Variants in IGSF21 observed in about 807,000 individuals in gnomAD.
IGSF21 encodes the protein immunoglobulin superfamily member 21.
Under a neutral mutation model 46.8 loss-of-function variants are expected in IGSF21, and 28 were observed. The observed-to-expected ratio is 0.60, with a 90% CI of 0.44 to 0.82. IGSF21 has a LOEUF of 0.82. IGSF21 is among the 40% of genes least tolerant of loss of function. The probability of loss-of-function intolerance (pLI) is 0.00; values close to 1 mark genes in which losing one functional copy is unlikely to be tolerated. For synonymous variants in IGSF21, 284 were observed against 273.6 expected (o/e 1.04, Z -0.38); for missense variants, 624 against 665.5 (o/e 0.94, Z 0.69).
chr1:18,254,270 A>T (rs1477982468), intron 2 of IGSF21, among the ~76,000 whole-genome samples: 1 of 145,676 alleles, frequency 6.9e-6, no homozygotes, highest in Non-Finnish European at 1.5e-5. Context: ...AGAGTTTGTC[A>T]TTCCTTGAAG....
chr1:18,260,522 T>C (rs532994100), intron 2 of IGSF21, among the ~76,000 whole-genome samples: 5 of 152,376 alleles, frequency 3.3e-5, no homozygotes, highest in African/African-American at 9.6e-5. Flanking sequence ...CCCATAGTCA[T>C]AGTGCAGAGG....
chr1:18,292,326 C>A (rs1414404754), intron 3 of IGSF21, among the ~76,000 whole-genome samples: 1 of 152,252 alleles, frequency 6.6e-6, no homozygotes, highest in Non-Finnish European at 1.5e-5. Context: ...GTCACACAGG[C>A]AACAATGACA....
chr1:18,303,160 C>T (rs750103954), intron 3 of IGSF21, among the ~76,000 whole-genome samples: 7 of 152,180 alleles, frequency 4.6e-5, no homozygotes, highest in Non-Finnish European at 8.8e-5. Flanking sequence ...CAGTGCCCAG[C>T]AACGGGTCTC....
chr1:18,222,253 C>T (rs2084517635), intron 1 of IGSF21, among the ~76,000 whole-genome samples: 1 of 152,178 alleles, frequency 6.6e-6, no homozygotes, highest in Non-Finnish European at 1.5e-5. Flanking sequence ...TCCTCTGCCT[C>T]GGGGGAGGAT....
At chr1:18,233,608 ACC>A (rs1449862250) in intron 2 of IGSF21, among the ~76,000 whole-genome samples, 1 of 152,168 alleles carries the variant, frequency 6.6e-6, no homozygotes, top group East Asian at 1.9e-4. Flanking sequence ...TCATTGTGGC[ACC>A]TATTCAATGA....
chr1:18,272,935 C>G (rs1024815417), intron 2 of IGSF21, among the ~76,000 whole-genome samples: 1 of 152,004 alleles, frequency 6.6e-6, no homozygotes, highest in Non-Finnish European at 1.5e-5. Flanking sequence ...AGCCTCTGTC[C>G]ACTTTATGCT....
intron 4 of IGSF21, among the ~76,000 whole-genome samples, chr1:18,341,077 C>CCTCT (rs1299239162): frequency 6.1e-3 from 265 of 43,462 alleles, no homozygotes; most frequent in Non-Finnish European, 0.011. Flanking sequence ...TCTTCTTCTT[C>CCTCT]TCCTCCTCCT....
At chr1:18,178,974 A>G (rs1233249695) in intron 1 of IGSF21, 1 of 152,220 alleles carries the variant, frequency 6.6e-6, no homozygotes, top group Non-Finnish European at 1.5e-5. Flanking sequence ...TTTAACAGGG[A>G]AAGAATTGAG....
intron 4 of IGSF21, among the ~76,000 whole-genome samples, chr1:18,352,089 T>A (rs1357095175): frequency 6.6e-6 from 1 of 152,172 alleles, no homozygotes; most frequent in Non-Finnish European, 1.5e-5. Flanking sequence ...TTGAAGTCCT[T>A]TGATCCAATC....
At chr1:18,200,999 C>T (rs2087067836) in intron 1 of IGSF21, among the ~76,000 whole-genome samples, 1 of 152,164 alleles carries the variant, frequency 6.6e-6, no homozygotes, top group Non-Finnish European at 1.5e-5. Context: ...AGGGGCCACA[C>T]TAGGGAGATA....
intron 1 of IGSF21, among the ~76,000 whole-genome samples, chr1:18,226,109 G>T (rs1236751362): frequency 1.3e-5 from 2 of 152,244 alleles, no homozygotes; most frequent in Admixed American, 1.3e-4. Flanking sequence ...CTCAGGCTTG[G>T]CTTGCCCGGA....
chr1:18,183,808 G>C (rs572668074), intron 1 of IGSF21, among the ~76,000 whole-genome samples: 1 of 152,084 alleles, frequency 6.6e-6, no homozygotes, highest in Non-Finnish European at 1.5e-5. Context: ...CGGGTGGTGC[G>C]GGGGGAAGCT....
chr1:18,170,622 G>A (rs1233044002), intron 1 of IGSF21, among the ~76,000 whole-genome samples: 1 of 152,018 alleles, frequency 6.6e-6, no homozygotes, highest in East Asian at 1.9e-4. Flanking sequence ...GATGGAGGAA[G>A]TAAAGCACAG....
chr1:18,193,822 T>A (rs1476869722), intron 1 of IGSF21, among the ~76,000 whole-genome samples: 1 of 152,012 alleles, frequency 6.6e-6, no homozygotes, highest in African/African-American at 2.4e-5. Flanking sequence ...ATGGACAGGG[T>A]GGGTGTTTGT....
chr1:18,273,480 CTT>C (rs1261330772), intron 2 of IGSF21, among the ~76,000 whole-genome samples: 1 of 56,180 alleles, frequency 1.8e-5, no homozygotes, highest in Admixed American at 2.8e-4. Flanking sequence ...TTCTTTCTTT[CTT>C]TCTTTCTTTC....
intron 2 of IGSF21, among the ~76,000 whole-genome samples, chr1:18,268,956 A>G (rs2085016503): frequency 6.6e-6 from 1 of 152,214 alleles, no homozygotes; most frequent in Non-Finnish European, 1.5e-5. Flanking sequence ...GGTATGTTGT[A>G]TAGTAAATCC....
intron 3 of IGSF21, among the ~76,000 whole-genome samples, chr1:18,332,691 G>A (rs61760793): frequency 6.6e-6 from 1 of 151,972 alleles, no homozygotes; most frequent in Non-Finnish European, 1.5e-5. Context: ...GAGGGGGACG[G>A]CGTCTTCTCA....
At position 18,322,321 on chromosome 1, in the gene IGSF21, A is replaced by T. The variant is rs1334103643; in HGVS notation, c.306-12571A>T. ...AGATCATAGAAACAACAGGTTGAGG[A>T]AGTCCGGGAAACCCAGAGGCAGCCA... On this transcript the variant is annotated intron_variant, in intron 3 of 9. Coordinates refer to ENST00000251296, the MANE Select transcript of IGSF21 (RefSeq NM_032880.5). The surrounding 1 kb of genome is among the most constrained non-coding windows in gnomAD (Gnocchi z 4.3). Among the ~76,000 whole-genome samples, 1 of 152,038 alleles carries T rather than the reference A, an allele frequency of 6.6e-6. No individual in the cohort carries two copies. The highest frequency in any genetic ancestry group is 1.9e-4 in the East Asian group (1 of 5,138).
intron 1 of IGSF21, among the ~76,000 whole-genome samples, chr1:18,194,414 G>T (rs1421996303): frequency 6.6e-6 from 1 of 152,174 alleles, no homozygotes; most frequent in Non-Finnish European, 1.5e-5. Flanking sequence ...GAAGTTTGGG[G>T]ACTGGAAATC....
Sources: gnomAD v4.1 joint callset for allele counts (sites outside exome capture counted in the v4.1 genomes callset) on GRCh38, gnomAD v4.1.1 for gene constraint, Gnocchi (gnomAD v3.1) non-coding constraint, MANE v1.5 for transcripts, NCBI Gene and HGNC (gene_info 2026-07-23, HGNC 2026-07-21) for gene names.